MDGA2: variants seen among roughly 807,000 people sequenced by gnomAD.
The protein encoded by MDGA2 is MAM domain-containing glycosylphosphatidylinositol anchor protein 2.
A neutral mutation model predicts 117.8 loss-of-function variants in MDGA2; 40 were observed. That is an observed-to-expected ratio of 0.34 (90% confidence interval 0.26 to 0.44). MDGA2 has a LOEUF of 0.44. Among genes scored for constraint, MDGA2 ranks in the 20% least tolerant of loss-of-function variants. MDGA2 has a pLI of 1.00. For missense variants in MDGA2, 1,123 were observed against 1,250.6 expected (o/e 0.90, Z 1.54); for synonymous variants, 452 against 439.0 (o/e 1.03, Z -0.37).
intron 6 of MDGA2, among the ~76,000 whole-genome samples, chr14:47,087,940 A>G (rs928436869): frequency 6.6e-6 from 1 of 152,056 alleles, no homozygotes; most frequent in African/African-American, 2.4e-5. Flanking sequence ...CATTTTTAAA[A>G]GAAAATTGAA....
At chr14:46,863,087 C>T (rs1881576954) in intron 14 of MDGA2, among the ~76,000 whole-genome samples, 1 of 152,022 alleles carries the variant, frequency 6.6e-6, no homozygotes, top group African/African-American at 2.4e-5. Context: ...ACTTTCTCTA[C>T]TCTTCCATAA....
At chr14:47,336,188 G>A (rs888474028) in intron 1 of MDGA2, among the ~76,000 whole-genome samples, 1 of 151,854 alleles carries the variant, frequency 6.6e-6, no homozygotes, top group Non-Finnish European at 1.5e-5. Flanking sequence ...CAACATTTAG[G>A]AGATGTCTTG....
At chr14:47,628,422 G>C (rs563194584) in intron 1 of MDGA2, among the ~76,000 whole-genome samples, 1 of 152,208 alleles carries the variant, frequency 6.6e-6, no homozygotes, top group East Asian at 1.9e-4. Flanking sequence ...GGCACCATTT[G>C]GTGCTTAGAA....
intron 8 of MDGA2, among the ~76,000 whole-genome samples, chr14:47,000,450 T>TATAC: frequency 7.4e-6 from 1 of 134,582 alleles, no homozygotes; most frequent in East Asian, 2.0e-4. Flanking sequence ...TATAAATATA[T>TATAC]ATATAAATAT....
At chr14:47,565,648 A>G (rs1274720092) in intron 1 of MDGA2, among the ~76,000 whole-genome samples, 1 of 152,166 alleles carries the variant, frequency 6.6e-6, no homozygotes, top group Admixed American at 6.5e-5. Flanking sequence ...CATACGACAG[A>G]GTGCATGCTC....
intron 10 of MDGA2, among the ~76,000 whole-genome samples, chr14:46,893,257 G>A (rs1307616497): frequency 6.6e-6 from 1 of 151,916 alleles, no homozygotes; most frequent in African/African-American, 2.4e-5. Flanking sequence ...ATAAATAAGA[G>A]TGCATGATAT....
intron 1 of MDGA2, among the ~76,000 whole-genome samples, chr14:47,547,426 AT>A (rs571688852): frequency 5.5e-4 from 84 of 152,232 alleles, no homozygotes; most frequent in Non-Finnish European, 9.9e-4. Flanking sequence ...TAAGAACATG[AT>A]TTCTCCAACT....
At chr14:47,301,291 CCACCCACA>C (rs1160445281) in intron 2 of MDGA2, 112 bp downstream of exon 2, 43 of 869,714 alleles carry the variant, frequency 4.9e-5, no homozygotes, top group Non-Finnish European at 6.0e-5. Flanking sequence ...ACACCCACAC[CCACCCACA>C]CACACACACA....
chr14:46,887,966 G>A (rs1349751338), intron 10 of MDGA2, among the ~76,000 whole-genome samples: 1 of 151,840 alleles, frequency 6.6e-6, no homozygotes, highest in Non-Finnish European at 1.5e-5. Context: ...AAAATTTGTA[G>A]TACATTACAA....
chr14:47,022,527 CAG>C (rs765677004), intron 8 of MDGA2, among the ~76,000 whole-genome samples: 3 of 151,564 alleles, frequency 2.0e-5, no homozygotes, highest in Non-Finnish European at 4.4e-5. Flanking sequence ...ATGAGAGAGA[CAG>C]AGAAAAAAAG....
At chr14:47,241,082 G>T (rs544469089) in intron 2 of MDGA2, among the ~76,000 whole-genome samples, 1 of 151,900 alleles carries the variant, frequency 6.6e-6, no homozygotes, top group Admixed American at 6.6e-5. Flanking sequence ...TAACCTTTAG[G>T]AGTGGATGAC....
At chr14:47,645,921 G>GA (rs1010860267) in intron 1 of MDGA2, among the ~76,000 whole-genome samples, 6 of 150,194 alleles carry the variant, frequency 4.0e-5, no homozygotes, top group Admixed American at 2.6e-4. Context: ...AAATACAAAA[G>GA]AAAAAAAAAT....
intron 9 of MDGA2, among the ~76,000 whole-genome samples, chr14:46,942,126 T>C (rs542280752): frequency 9.9e-5 from 15 of 152,254 alleles, no homozygotes; most frequent in African/African-American, 2.4e-4. Flanking sequence ...GAGAGAAACA[T>C]TGATATGGAG....
At chr14:47,295,943 T>C (rs1889054815) in intron 2 of MDGA2, among the ~76,000 whole-genome samples, 2 of 148,332 alleles carry the variant, frequency 1.3e-5, no homozygotes, top group South Asian at 2.2e-4. Context: ...GATAGATAGA[T>C]AGATAGATAG....
chr14:47,412,928 T>A (rs933371532), intron 1 of MDGA2, among the ~76,000 whole-genome samples: 1 of 152,182 alleles, frequency 6.6e-6, no homozygotes, highest in Non-Finnish European at 1.5e-5. Context: ...ATATTACAAA[T>A]AAAGGAAATG....
At chr14:47,266,213 C>T (rs987406741) in intron 2 of MDGA2, among the ~76,000 whole-genome samples, 5 of 152,246 alleles carry the variant, frequency 3.3e-5, no homozygotes, top group Admixed American at 2.6e-4. Flanking sequence ...ATTCTTTATT[C>T]CAGAACATTT....
At chr14:47,342,259 TA>T (rs1555375057) in intron 1 of MDGA2, among the ~76,000 whole-genome samples, 6 of 1,482 alleles carry the variant, frequency 4.0e-3, no homozygotes, top group East Asian at 0.045. Context: ...AAAATGTTTA[TA>T]TATATATATA....
At chr14:47,232,711 T>C (rs1160017417) in intron 2 of MDGA2, among the ~76,000 whole-genome samples, 1 of 152,148 alleles carries the variant, frequency 6.6e-6, no homozygotes, top group Non-Finnish European at 1.5e-5. Flanking sequence ...CGCAGCTTTA[T>C]TCCAAAATGA....
intron 3 of MDGA2, among the ~76,000 whole-genome samples, chr14:47,161,096 T>G (rs1216999867): frequency 2.0e-5 from 3 of 152,168 alleles, no homozygotes; most frequent in Non-Finnish European, 2.9e-5. Context: ...ATAACCAGAT[T>G]TGCATTTTTA....
Sources: gnomAD v4.1 joint callset for allele counts (sites outside exome capture counted in the v4.1 genomes callset) on GRCh38, gnomAD v4.1.1 for gene constraint, MANE v1.5 for transcripts, NCBI Gene and HGNC (gene_info 2026-07-23, HGNC 2026-07-21) for gene names.